The following SOCS3 variants were observed in gnomAD, a reference collection of about 807,000 sequenced individuals.
SOCS3 encodes suppressor of cytokine signaling 3, also known as STAT-induced STAT inhibitor 3.
SOCS3 carries 5 observed loss-of-function variants against 11.7 expected under a neutral mutation model. The ratio of observed to expected loss-of-function variants is 0.43; its 90% confidence interval spans 0.22 to 0.90. SOCS3 has a LOEUF of 0.90. Ranked by LOEUF, SOCS3 falls within the 40% of genes least tolerant of loss-of-function variation. SOCS3 has a pLI of 0.27. For synonymous variants in SOCS3, 143 were observed against 136.3 expected, an observed-to-expected ratio of 1.05 and a Z score of -0.34; for missense variants, 203 against 302.0, an observed-to-expected ratio of 0.67 and a Z score of 2.43.
chr17:78,358,104 C>A lies in SOCS3; in HGVS notation c.*314G>T. ...ATTAGTTCAGCATTCCCGAAGTGTC[C>A]CCTGTTTGGAGGCAGAGGGGAAGCT... is the stretch of plus-strand genomic sequence containing the variant. On this transcript the variant is annotated 3_prime_UTR_variant, in exon 2 of 2. Coordinates refer to ENST00000330871, the MANE Select transcript of SOCS3 (RefSeq NM_003955.5). The surrounding 1 kb of genome is among the most constrained non-coding windows in gnomAD (Gnocchi z 4.7). The A allele has an allele frequency of 2.6e-6, 1 of 384,814 alleles. No individual in the cohort carries two copies. The highest frequency in any genetic ancestry group is 4.0e-5 in the Admixed American group (1 of 25,212). 23.8% of individuals were successfully genotyped at this position (384,814 alleles called of 1,614,324 possible). A position where few individuals can be genotyped will look rare whatever the true frequency, so the allele number is the denominator to read the frequency against.
chr17:78,359,049 AG>A lies in SOCS3; in HGVS notation c.46del (p.Leu16TrpfsTer20). 6.4e-7 allele frequency: 1 copy of A among 1,573,476 alleles called. No homozygotes were observed. Among genetic ancestry groups the A allele is most frequent in the Non-Finnish European group, 8.6e-7 (1 of 1,159,400 alleles). On this transcript the variant is annotated frameshift_variant, in exon 2 of 2. Coordinates refer to ENST00000330871, the MANE Select transcript of SOCS3 (RefSeq NM_003955.5). LOFTEE classifies it high-confidence loss of function. ...KFPAAGMSRP[L>X]DTSLRLKTFS... Reference sequence around the variant, plus strand: ...GGTCTTGAGGCGCAGGCTGGTGTCCAGGGGGCGGCTCATCCCGGCGGCGGGA... The same window carrying A: ...GGTCTTGAGGCGCAGGCTGGTGTCCAGGGGCGGCTCATCCCGGCGGCGGGA...
chr17:78,358,429 C>A lies in SOCS3; in HGVS notation c.667G>T (p.Ala223Ser), dbSNP rs150709546. ...PIREFLDQYD[A>S]PL Reference sequence around the variant, plus strand: ...GCGCCCTTTACCCCTTAAAGCGGGGCATCGTACTGGTCCAGGAACTCCCGA... The same window carrying A: ...GCGCCCTTTACCCCTTAAAGCGGGGAATCGTACTGGTCCAGGAACTCCCGA... The change falls in exon 2 of 2, where the codon GCC becomes TCC. Residue 223 changes from alanine (A) to serine (S), a missense_variant. Around this residue, in one of 3 missense-constraint regions of SOCS3, gnomAD observed 141 missense variants for 200.5 expected, o/e 0.70. Transcript: ENST00000330871. The surrounding 1 kb of genome is among the most constrained non-coding windows in gnomAD (Gnocchi z 4.7). 4 of 1,613,652 alleles carry A rather than the reference C, an allele frequency of 2.5e-6. No homozygotes were observed. The highest frequency in any genetic ancestry group is 3.4e-6 in the Non-Finnish European group (4 of 1,179,988).
Position 78,358,615 on chromosome 17 carries a change from G to T in SOCS3, c.481C>A (p.Pro161Thr), listed in dbSNP as rs748016413. The change falls in exon 2 of 2, where the codon CCC becomes ACC. Residue 161 changes from proline (P) to threonine (T), a missense_variant. Physicochemically the swap from Pro to Thr is conservative, Grantham distance 38 (BLOSUM62 -1). This residue lies in a region of SOCS3 where 141 missense variants were observed against 200.5 expected (regional missense o/e 0.70). Coordinates refer to ENST00000330871, the MANE Select transcript of SOCS3 (RefSeq NM_003955.5). This position sits in a 1 kb window ranked among gnomAD's most constrained non-coding sequence, Gnocchi z 4.7. The part of the protein sequence containing the change: ...PSAQPLPGSP[P>T]RRAYYIYSGG... The stretch of plus-strand genomic sequence containing the variant: ...GAGTAGATGTAATAGGCTCTTCTGG[G>T]GGGACTCCCAGGGAGTGGCTGGGCA... 2 of 1,610,842 alleles carry T rather than the reference G, an allele frequency of 1.2e-6. No homozygotes were observed. Among genetic ancestry groups the T allele is most frequent in the East Asian group, 4.5e-5 (2 of 44,822 alleles).
rs528779263 is a variant in SOCS3 at position 78,358,883 on chromosome 17, G to A, written c.213C>T (p.Arg71=). 2.4e-5 allele frequency: 39 copies of A among 1,611,360 alleles called. No individual in the cohort carries two copies. In the East Asian group the frequency reaches 8.5e-4, roughly 35 times the overall value. The change falls in exon 2 of 2, where the codon CGC becomes CGT. Residue 71 remains arginine, a synonymous_variant. Transcript: ENST00000330871. The surrounding 1 kb of genome is among the most constrained non-coding windows in gnomAD (Gnocchi z 4.7). ...AGAAGTGGCGCTGGTCCGAGCTGTCGCGGATCAGAAAGGTGCCGGCGGGCT... is the reference window on the plus strand; with the variant it reads ...AGAAGTGGCGCTGGTCCGAGCTGTCACGGATCAGAAAGGTGCCGGCGGGCT... ...SAEPAGTFLI[R]DSSDQRHFFT...
At chr17:78,360,173 C>T (rs1213290113), upstream of SOCS3, 1 of 153,964 alleles carries the variant, frequency 6.5e-6, no homozygotes, top group African/African-American at 2.4e-5. This position sits in a 1 kb window ranked among gnomAD's most constrained non-coding sequence, Gnocchi z 5.6. Context: ...AATGTTTAGT[C>T]ACTACTCGCA....
chr17:78,358,356 GC>G lies in SOCS3; in HGVS notation c.*61del. ...TTGGCTTCTTGTGCTTGTGCCATGT[GC>G]CACGGAGGAGAGGGGCCTGCGTCCC... is the stretch of plus-strand genomic sequence containing the variant. On this transcript the variant is annotated 3_prime_UTR_variant, in exon 2 of 2. Transcript: ENST00000330871. This position sits in a 1 kb window ranked among gnomAD's most constrained non-coding sequence, Gnocchi z 4.7. The G allele has an allele frequency of 8.4e-6, 13 of 1,543,924 alleles. No homozygotes were observed. Among genetic ancestry groups the G allele is most frequent in the Non-Finnish European group, 1.2e-5 (13 of 1,120,496 alleles).
In SOCS3 at chr17:78,358,838, G is replaced by A. The variant is rs1350354270; in HGVS notation, c.258C>T (p.Thr86=). 2 of 1,613,092 alleles carry A rather than the reference G, an allele frequency of 1.2e-6. No homozygotes were observed. The highest frequency in any genetic ancestry group is 1.7e-6 in the Non-Finnish European group (2 of 1,179,872). Residue 86 remains threonine (T), a synonymous_variant, in exon 2 of 2, where the codon ACC becomes ACT. Coordinates refer to ENST00000330871, the MANE Select transcript of SOCS3 (RefSeq NM_003955.5). This position sits in a 1 kb window ranked among gnomAD's most constrained non-coding sequence, Gnocchi z 4.7. ...QRHFFTLSVK[T]QSGTKNLRIQ... is the part of the protein sequence containing the mutation. Reference sequence around the variant, plus strand: ...TGCGCAGGTTCTTGGTCCCAGACTGGGTCTTGACGCTGAGCGTGAAGAAGT... The same window carrying A: ...TGCGCAGGTTCTTGGTCCCAGACTGAGTCTTGACGCTGAGCGTGAAGAAGT...
chr17:78,360,715 A>G (rs1202678416), upstream of SOCS3: 1 of 151,984 alleles, frequency 6.6e-6, no homozygotes, highest in Non-Finnish European at 1.5e-5. The surrounding 1 kb of genome is among the most constrained non-coding windows in gnomAD (Gnocchi z 5.6). Context: ...CAGAGGGGAG[A>G]CCCAGGGCTG....
At position 78,359,122 on chromosome 17, in the gene SOCS3, G is replaced by T; in HGVS notation, c.-27C>A. ...GCGCACGGAGCCAGCGTGGATCTGC[G>T]CGGCGGCGGCTGCAGCTGCTTCGCG... On this transcript the variant is annotated 5_prime_UTR_variant, in exon 2 of 2. Coordinates refer to ENST00000330871, the MANE Select transcript of SOCS3 (RefSeq NM_003955.5). 6.5e-7 allele frequency: 1 copy of T among 1,529,632 alleles called. No homozygotes were observed. 94.8% of individuals were successfully genotyped at this position (1,529,632 alleles called of 1,614,324 possible). A position where few individuals can be genotyped will look rare whatever the true frequency, so the allele number is the denominator to read the frequency against.
Position 78,359,104 on chromosome 17 carries a change from G to A in SOCS3, c.-9C>T. 1.3e-6 allele frequency: 2 copies of A among 1,548,744 alleles called. No homozygotes were observed. Among genetic ancestry groups the A allele is most frequent in the Non-Finnish European group, 1.7e-6 (2 of 1,146,576 alleles). On this transcript the variant is annotated 5_prime_UTR_variant, in exon 2 of 2. Transcript: ENST00000330871. ...TTGCTGTGGGTGACCATGGCGCACGGAGCCAGCGTGGATCTGCGCGGCGGC... is the reference window on the plus strand; with the variant it reads ...TTGCTGTGGGTGACCATGGCGCACGAAGCCAGCGTGGATCTGCGCGGCGGC...
Position 78,358,445 on chromosome 17 carries a change from G to C in SOCS3, c.651C>G (p.Phe217Leu), listed in dbSNP as rs369628149. Residue 217 changes from phenylalanine to leucine, a missense_variant, in exon 2 of 2, where the codon TTC becomes TTG. By Grantham distance (22) the Phe-to-Leu change is conservative. Transcript: ENST00000330871. This position sits in a 1 kb window ranked among gnomAD's most constrained non-coding sequence, Gnocchi z 4.7. ...AAAGCGGGGCATCGTACTGGTCCAG[G>C]AACTCCCGAATGGGCCCCGGCAGCT... Reference protein sequence around the residue: ...VTQLPGPIREFLDQYDAPL With the variant: ...VTQLPGPIRELLDQYDAPL 1 of 1,613,778 alleles carries C rather than the reference G, an allele frequency of 6.2e-7. No homozygotes were observed. Among genetic ancestry groups the C allele is most frequent in the Admixed American group, 1.7e-5 (1 of 60,014 alleles).
In SOCS3 at chr17:78,359,954, A is replaced by G; in HGVS notation, c.-293T>C. Reference sequence around the variant, plus strand: ...CCTGCGCACCCCCGGACCAACCGGGAGGGGACCAGGAGAGGGACCGCGGCA... The same window carrying G: ...CCTGCGCACCCCCGGACCAACCGGGGGGGGACCAGGAGAGGGACCGCGGCA... On this transcript the variant is annotated 5_prime_UTR_variant, in exon 1 of 2. Transcript: ENST00000330871. The G allele has an allele frequency of 5.5e-6, 1 of 180,970 alleles. No homozygotes were observed. 11.2% of individuals were successfully genotyped at this position (180,970 alleles called of 1,614,324 possible).
Position 78,358,866 on chromosome 17 carries a change from C to T in SOCS3, c.230G>A (p.Arg77His). Reference protein sequence around the residue: ...TFLIRDSSDQRHFFTLSVKTQ... With the variant: ...TFLIRDSSDQHHFFTLSVKTQ... ...CTTGACGCTGAGCGTGAAGAAGTGG[C>T]GCTGGTCCGAGCTGTCGCGGATCAG... Residue 77 changes from arginine (R) to histidine (H), a missense_variant, in exon 2 of 2, where the codon CGC becomes CAC. Around this residue, in one of 3 missense-constraint regions of SOCS3, gnomAD observed 141 missense variants for 200.5 expected, o/e 0.70. Coordinates refer to ENST00000330871, the MANE Select transcript of SOCS3 (RefSeq NM_003955.5). This position sits in a 1 kb window ranked among gnomAD's most constrained non-coding sequence, Gnocchi z 4.7. 6.2e-7 allele frequency: 1 copy of T among 1,612,354 alleles called. No individual in the cohort carries two copies. Among genetic ancestry groups the T allele is most frequent in the Non-Finnish European group, 8.5e-7 (1 of 1,179,652 alleles).
At position 78,357,299 on chromosome 17, in the gene SOCS3, C is replaced by G; in HGVS notation, c.*1119G>C. The G allele has an allele frequency of 6.6e-6, 1 of 152,328 alleles. No individual in the cohort carries two copies. The highest frequency in any genetic ancestry group is 1.5e-5 in the Non-Finnish European group (1 of 68,172). 9.4% of individuals were successfully genotyped at this position (152,328 alleles called of 1,614,324 possible). A position where few individuals can be genotyped will look rare whatever the true frequency, so the allele number is the denominator to read the frequency against. On this transcript the variant is annotated 3_prime_UTR_variant, in exon 2 of 2. Transcript: ENST00000330871. The surrounding 1 kb of genome is among the most constrained non-coding windows in gnomAD (Gnocchi z 7.0). ...GCAGGAGGGAGGGCTGTGCAGGGCT[C>G]GGGGCAGTGGGACCTGGTGGCTCTG...
In SOCS3 at chr17:78,359,328, C is replaced by A. The variant is rs572826482; in HGVS notation, c.-88-145G>T. ...CTGGGCCCGCGCTCCGATCCAGGCG[C>A]CTCACGGAGCCCGCACGGCTCCCGC... On this transcript the variant is annotated intron_variant, in intron 1 of 1. Transcript: ENST00000330871. The A allele has an allele frequency of 3.0e-5, 12 of 401,790 alleles. No homozygotes were observed. In the South Asian group the frequency reaches 7.2e-4, roughly 24 times the overall value. 24.9% of individuals were successfully genotyped at this position (401,790 alleles called of 1,614,324 possible).
upstream of SOCS3, chr17:78,360,346 T>G (rs1216184908): frequency 6.6e-6 from 1 of 150,550 alleles, no homozygotes; most frequent in Non-Finnish European, 1.5e-5. This position sits in a 1 kb window ranked among gnomAD's most constrained non-coding sequence, Gnocchi z 5.6. Flanking sequence ...GGCGCGTTCC[T>G]GGCAGCGGCC....
Position 78,359,054 on chromosome 17 carries a change from G to C in SOCS3, c.42C>G (p.Arg14=). 6.4e-7 allele frequency: 1 copy of C among 1,572,996 alleles called. No individual in the cohort carries two copies. The highest frequency in any genetic ancestry group is 8.6e-7 in the Non-Finnish European group (1 of 1,159,176). The change falls in exon 2 of 2, where the codon CGC becomes CGG. Residue 14 remains arginine, a synonymous_variant. Transcript: ENST00000330871. ...TGAGGCGCAGGCTGGTGTCCAGGGG[G>C]CGGCTCATCCCGGCGGCGGGAAACT... ...HSKFPAAGMS[R]PLDTSLRLKT...
chr17:78,358,342 T>G lies in SOCS3; in HGVS notation c.*76A>C. The stretch of plus-strand genomic sequence containing the variant: ...GGACTCTCTCCTGGTTGGCTTCTTG[T>G]GCTTGTGCCATGTGCCACGGAGGAG... On this transcript the variant is annotated 3_prime_UTR_variant, in exon 2 of 2. Transcript: ENST00000330871. This position sits in a 1 kb window ranked among gnomAD's most constrained non-coding sequence, Gnocchi z 4.7. 1.4e-6 allele frequency: 2 copies of G among 1,470,310 alleles called. No individual in the cohort carries two copies. The highest frequency in any genetic ancestry group is 1.9e-6 in the Non-Finnish European group (2 of 1,056,224). 91.1% of individuals were successfully genotyped at this position (1,470,310 alleles called of 1,614,324 possible).
At chr17:78,360,499 C>A (rs974874793), upstream of SOCS3, 3 of 151,948 alleles carry the variant, frequency 2.0e-5, no homozygotes, top group African/African-American at 7.2e-5. This position sits in a 1 kb window ranked among gnomAD's most constrained non-coding sequence, Gnocchi z 5.6. Context: ...CCTGGAGAGC[C>A]TCCCGGTTCC....
Sources: gnomAD v4.1 joint callset for allele counts on GRCh38, gnomAD v4.1.1 for gene constraint, gnomAD v4.1.1 regional missense constraint, Gnocchi (gnomAD v3.1) non-coding constraint, MANE v1.5 for transcripts, NCBI Gene and HGNC (gene_info 2026-07-23, HGNC 2026-07-21) for gene names.